The following EEF2 variants were observed in gnomAD, a reference collection of about 807,000 sequenced individuals.
EEF2 encodes the protein eukaryotic translation elongation factor 2.
Under a neutral mutation model 85.3 loss-of-function variants are expected in EEF2, and 21 were observed. The observed-to-expected ratio is 0.25, with a 90% CI of 0.17 to 0.35. The LOEUF (loss-of-function observed/expected upper bound fraction) is 0.35. Among genes scored for constraint, EEF2 ranks in the 10% least tolerant of loss-of-function variants. The pLI is 1.00. For missense variants in EEF2, 825 were observed against 1,225.3 expected, an observed-to-expected ratio of 0.67 and a Z score of 4.88; for synonymous variants, 723 against 508.8, an observed-to-expected ratio of 1.42 and a Z score of -5.67.
At position 3,982,866 on chromosome 19, in the gene EEF2, C is replaced by T. The variant is rs1346359523; in HGVS notation, c.553G>A (p.Val185Met). 7 of 1,613,646 alleles carry T rather than the reference C, an allele frequency of 4.3e-6. No individual in the cohort carries two copies. The highest frequency in any genetic ancestry group is 5.9e-6 in the Non-Finnish European group (7 of 1,179,982). Residue 185 changes from valine to methionine, a missense_variant, in exon 4 of 15, where the codon GTG becomes ATG. Val to Met is a conservative substitution (Grantham distance 21). Transcript: ENST00000309311. ...YQTFQRIVENVNVIISTYGEG... is the reference protein window; with the variant it reads ...YQTFQRIVENMNVIISTYGEG... ...CCGTAGGTGGAGATGATGACGTTCA[C>T]GTTCTCCACGATGCGCTGGAAAGTC...
chr19:3,981,884 G>A, intron 6 of EEF2, 63 bp downstream of exon 6: 2 of 1,499,970 alleles, frequency 1.3e-6, no homozygotes, highest in Non-Finnish European at 1.8e-6. Flanking sequence ...CTACCGGCCG[G>A]AGCCCACAGG....
At position 3,983,910 on chromosome 19, in the gene EEF2, C is replaced by A. The variant is rs529309444; in HGVS notation, c.218+226G>T. 1.5e-4 allele frequency: 86 copies of A among 572,084 alleles called. 1 individual carries two copies. In the South Asian group the frequency reaches 1.7e-3, roughly 11 times the overall value. The allele number at this position is 572,084 out of a possible 1,614,324, so 35.4% of individuals were successfully genotyped here. A position where few individuals can be genotyped will look rare whatever the true frequency, so the allele number is the denominator to read the frequency against. Reference sequence around the variant, plus strand: ...CAAGTCCCCCAGGGAGGGAGAACCACGGAGTTAAGCCCCCTCCTCAAGAAA... The same window carrying A: ...CAAGTCCCCCAGGGAGGGAGAACCAAGGAGTTAAGCCCCCTCCTCAAGAAA... On this transcript the variant is annotated intron_variant, in intron 2 of 14. Coordinates refer to ENST00000309311, the MANE Select transcript of EEF2 (RefSeq NM_001961.4).
intron 2 of EEF2, 106 bp downstream of exon 2, chr19:3,984,030 G>T: frequency 8.3e-7 from 1 of 1,205,186 alleles, no homozygotes; most frequent in Non-Finnish European, 1.2e-6. Flanking sequence ...AAGAAACCAG[G>T]GGAAAGAGAC....
Position 3,979,957 on chromosome 19 carries a change from T to C in EEF2, c.1456A>G (p.Thr486Ala), listed in dbSNP as rs1394167369. ...ATGTTGTGCGCGTGCTCGAAGGTGGTGATGGTGCCCGTCTTCACCAGGAAC... is the reference window on the plus strand; with the variant it reads ...ATGTTGTGCGCGTGCTCGAAGGTGGCGATGGTGCCCGTCTTCACCAGGAAC... The part of the protein sequence containing the change: ...DQFLVKTGTI[T>A]TFEHAHNMRV... The change falls in exon 10 of 15, where the codon ACC becomes GCC. Residue 486 changes from threonine to alanine, a missense_variant. Coordinates refer to ENST00000309311, the MANE Select transcript of EEF2 (RefSeq NM_001961.4). The C allele has an allele frequency of 1.2e-6, 2 of 1,613,914 alleles. No homozygotes were observed. The highest frequency in any genetic ancestry group is 1.7e-5 in the Admixed American group (1 of 60,024).
Position 3,984,301 on chromosome 19 carries a change from T to C in EEF2, c.53A>G (p.Asn18Ser), listed in dbSNP as rs913037732. Residue 18 changes from asparagine to serine, a missense_variant, in exon 2 of 15, where the codon AAC (asparagine) becomes AGC (serine). Coordinates refer to ENST00000309311, the MANE Select transcript of EEF2 (RefSeq NM_001961.4). ...GGCGATGACAGACATGTTGCGGATG[T>C]TGGCCTTCTTGTCCATGATGGCGCG... The part of the protein sequence containing the change: ...QIRAIMDKKA[N>S]IRNMSVIAHV... 3.7e-6 allele frequency: 6 copies of C among 1,614,100 alleles called. No homozygotes were observed. Among genetic ancestry groups the C allele is most frequent in the Non-Finnish European group, 5.1e-6 (6 of 1,180,040 alleles).
Position 3,976,670 on chromosome 19 carries a change from G to A in EEF2, c.2461C>T (p.Pro821Ser). The A allele has an allele frequency of 1.9e-6, 3 of 1,608,604 alleles. No homozygotes were observed. The highest frequency in any genetic ancestry group is 2.5e-6 in the Non-Finnish European group (3 of 1,178,568). Residue 821 changes from proline (P) to serine (S), a missense_variant, in exon 15 of 15, where the codon CCC becomes TCC. By Grantham distance (74) the Pro-to-Ser change is moderately conservative. Transcript: ENST00000309311. ...CTGCTGTTGTCGAAGGGGTCTCCGG[G>A]CAGGATCTGCCAGTGGTCAAACACA... ...QCVFDHWQIL[P>S]GDPFDNSSRP... is the part of the protein sequence containing the mutation.
intron 6 of EEF2, 124 bp downstream of exon 6, chr19:3,981,823 C>T (rs1337052949): frequency 7.0e-6 from 6 of 857,450 alleles, no homozygotes; most frequent in African/African-American, 3.4e-5. Flanking sequence ...GCTGTGCCTC[C>T]TCCCATCTCG....
In EEF2 at chr19:3,982,437, G is replaced by A. The variant is rs201405426; in HGVS notation, c.613-13C>T. 1,070 of 1,613,880 alleles carry A rather than the reference G, an allele frequency of 6.6e-4. 16 individuals are homozygous for A. The South Asian group carries it at 0.011, about 17-fold the overall frequency. On this transcript the variant is annotated splice_polypyrimidine_tract_variant and intron_variant, in intron 4 of 14. Coordinates refer to ENST00000309311, the MANE Select transcript of EEF2 (RefSeq NM_001961.4). ...GGACAGGATCGATCTGGAAGTGTGA[G>A]AAACGAGAAGCAGCCGTGAGGGCCC...
chr19:3,976,742 T>G lies in EEF2; in HGVS notation c.2389A>C (p.Thr797Pro). 6.3e-7 allele frequency: 1 copy of G among 1,580,950 alleles called. No homozygotes were observed. Among genetic ancestry groups the G allele is most frequent in the Non-Finnish European group, 8.6e-7 (1 of 1,168,364 alleles). Reference protein sequence around the residue: ...YLPVNESFGFTADLRSNTGGQ... With the variant: ...YLPVNESFGFPADLRSNTGGQ... ...CCCGTGTTGGACCTCAGGTCAGCGG[T>G]GAAGCCTGCAGAGGGAAGCGAGAGG... The change falls in exon 15 of 15, where the codon ACC becomes CCC. Residue 797 changes from threonine (T) to proline (P), a missense_variant. Physicochemically the swap from Thr to Pro is conservative, Grantham distance 38. Coordinates refer to ENST00000309311, the MANE Select transcript of EEF2 (RefSeq NM_001961.4).
Position 3,983,236 on chromosome 19 carries a change from T to C in EEF2, c.274A>G (p.Ser92Gly). 2 of 1,613,900 alleles carry C rather than the reference T, an allele frequency of 1.2e-6. No individual in the cohort carries two copies. The highest frequency in any genetic ancestry group is 1.7e-6 in the Non-Finnish European group (2 of 1,179,958). Residue 92 changes from serine (S) to glycine (G), a missense_variant, in exon 3 of 15, where the codon AGC (serine) becomes GGC (glycine). Coordinates refer to ENST00000309311, the MANE Select transcript of EEF2 (RefSeq NM_001961.4). ...SENDLNFIKQ[S>G]KDGAGFLINL... ...ATGAGGAAGCCGGCACCGTCCTTGC[T>C]CTGCTTGATGAAGTTCAAGTCATTC... is the stretch of plus-strand genomic sequence containing the variant.
Position 3,977,079 on chromosome 19 carries a change from G to A in EEF2, c.2383+136C>T. 7.5e-7 allele frequency: 1 copy of A among 1,331,712 alleles called. No homozygotes were observed. The highest frequency in any genetic ancestry group is 1.4e-5 in the South Asian group (1 of 69,400). The allele number at this position is 1,331,712 out of a possible 1,614,324, so 82.5% of individuals were successfully genotyped here. A position where few individuals can be genotyped will look rare whatever the true frequency, so the allele number is the denominator to read the frequency against. On this transcript the variant is annotated intron_variant, in intron 14 of 14. Transcript: ENST00000309311. This position sits in a 1 kb window ranked among gnomAD's most constrained non-coding sequence, Gnocchi z 5.4. ...GATTTAGGGGGTCCACAAGCTGTCA[G>A]AAACTGGACCACCTGCTCCATCCAT... is the stretch of plus-strand genomic sequence containing the variant.
At chr19:3,980,315 G>A (rs151112703) in intron 9 of EEF2, among the ~76,000 whole-genome samples, 199 bp downstream of exon 9, 1,668 of 152,348 alleles carry the variant, frequency 0.011, 17 homozygotes, top group Non-Finnish European at 0.017. Context: ...ATGAGCAGGG[G>A]TGTGCTGTGC....
chr19:3,979,129 C>CA (rs1007106270), intron 11 of EEF2, among the ~76,000 whole-genome samples, 200 bp downstream of exon 11: 40 of 151,656 alleles, frequency 2.6e-4, no homozygotes, highest in East Asian at 3.9e-4. Context: ...GAGACTATCT[C>CA]AAAAAAAACA....
chr19:3,976,392 TC>T lies in EEF2; in HGVS notation c.*161del. The T allele has an allele frequency of 1.6e-6, 1 of 611,024 alleles. No individual in the cohort carries two copies. The allele number at this position is 611,024 out of a possible 1,614,324, so 37.9% of individuals were successfully genotyped here. On this transcript the variant is annotated 3_prime_UTR_variant, in exon 15 of 15. Coordinates refer to ENST00000309311, the MANE Select transcript of EEF2 (RefSeq NM_001961.4). ...GAAATAAATATTGAAAGAAACGGCA[TC>T]AAGTGTTATGGTTGAGTGATGGCAC...
In EEF2 at chr19:3,980,369, G is replaced by T. The variant is rs17606942; in HGVS notation, c.1346+145C>A. Reference sequence around the variant, plus strand: ...TCCAGAAATGCCCTCACTGGGCTAAGAACAAAAGTTGTGGCTGGCACAAGT... The same window carrying T: ...TCCAGAAATGCCCTCACTGGGCTAATAACAAAAGTTGTGGCTGGCACAAGT... On this transcript the variant is annotated intron_variant, in intron 9 of 14. Transcript: ENST00000309311. 114,736 of 1,111,522 alleles carry T rather than the reference G, an allele frequency of 0.1. 6,950 individuals carry two copies. Among genetic ancestry groups the T allele is most frequent in the African/African-American group, 0.22 (14,003 of 63,248 alleles). 68.9% of individuals were successfully genotyped at this position (1,111,522 alleles called of 1,614,324 possible).
rs115647633 is a variant in EEF2 at position 3,981,625 on chromosome 19, G to A, written c.898-173C>T. Reference sequence around the variant, plus strand: ...CCAGCTGAGCGGATCGGGAGCTGGAGGAAACCTCGTGGTGGAGCAGAGGAA... The same window carrying A: ...CCAGCTGAGCGGATCGGGAGCTGGAAGAAACCTCGTGGTGGAGCAGAGGAA... On this transcript the variant is annotated intron_variant, in intron 6 of 14. Transcript: ENST00000309311. Among the ~76,000 whole-genome samples the A allele has an allele frequency of 7.5e-3, 1,139 of 152,350 alleles. 15 individuals carry two copies. Among genetic ancestry groups the A allele is most frequent in the African/African-American group, 0.026 (1,094 of 41,584 alleles).
Position 3,980,566 on chromosome 19 carries a change from G to A in EEF2, c.1294C>T (p.Pro432Ser). The A allele has an allele frequency of 1.2e-6, 2 of 1,614,204 alleles. No homozygotes were observed. The highest frequency in any genetic ancestry group is 1.7e-6 in the Non-Finnish European group (2 of 1,180,018). Residue 432 changes from proline to serine, a missense_variant, in exon 9 of 15, where the codon CCC (proline) becomes TCC (serine). Transcript: ENST00000309311. ...STGLKVRIMG[P>S]NYTPGKKEDL... ...TCCTTCTTCCCAGGGGTATAGTTGG[G>A]CCCCATGATCCTGACCTTCAGGCCA...
At chr19:3,980,098 A>G (rs766488365) in intron 9 of EEF2, 32 bp from the exon 10 acceptor site, 85 of 1,601,266 alleles carry the variant, frequency 5.3e-5, no homozygotes, top group South Asian at 1.6e-4. Context: ...AGCAGGCCGC[A>G]GGGATGGTTG....
chr19:3,976,067 T>C lies in EEF2; in HGVS notation c.*487A>G, dbSNP rs549947639. 82 of 169,434 alleles carry C rather than the reference T, an allele frequency of 4.8e-4. No individual in the cohort carries two copies. The highest frequency in any genetic ancestry group is 3.0e-3 in the Middle Eastern group (1 of 336). The allele number at this position is 169,434 out of a possible 1,614,324, so 10.5% of individuals were successfully genotyped here. Reference sequence around the variant, plus strand: ...AATGCAGAACAGAGTCACCACCTTATCAAATTTATTATTCCAATGGCACTA... The same window carrying C: ...AATGCAGAACAGAGTCACCACCTTACCAAATTTATTATTCCAATGGCACTA... On this transcript the variant is annotated 3_prime_UTR_variant, in exon 15 of 15. Transcript: ENST00000309311.
Sources: gnomAD v4.1 joint callset for allele counts (sites outside exome capture counted in the v4.1 genomes callset) on GRCh38, gnomAD v4.1.1 for gene constraint, Gnocchi (gnomAD v3.1) non-coding constraint, MANE v1.5 for transcripts, NCBI Gene and HGNC (gene_info 2026-07-23, HGNC 2026-07-21) for gene names.